KCNC2: variants seen among roughly 807,000 people sequenced by gnomAD.
KCNC2 encodes voltage-gated potassium channel KCNC2.
Under a neutral mutation model 44.5 loss-of-function variants are expected in KCNC2, and 21 were observed. The ratio of observed to expected loss-of-function variants is 0.47; its 90% CI spans 0.33 to 0.68. The LOEUF is 0.68. KCNC2 is among the 30% of genes least tolerant of loss of function. KCNC2 has a pLI of 0.01. For synonymous variants in KCNC2, 391 were observed against 339.1 expected, an observed-to-expected ratio of 1.15 and a Z score of -1.68; for missense variants, 589 against 826.2, an observed-to-expected ratio of 0.71 and a Z score of 3.52.
intron 2 of KCNC2, among the ~76,000 whole-genome samples, chr12:75,193,419 C>T (rs2030480964): frequency 6.6e-6 from 1 of 152,062 alleles, no homozygotes; most frequent in African/African-American, 2.4e-5. Context: ...TCAGAGGCAA[C>T]ATGTACTAGG....
In KCNC2 at chr12:75,062,520, G is replaced by A. The variant is rs921653304; in HGVS notation, c.688-11203C>T. Among the ~76,000 whole-genome samples the A allele has an allele frequency of 2.0e-5, 3 of 151,974 alleles. No homozygotes were observed. The East Asian group carries it at 5.8e-4, about 29-fold the overall frequency. On this transcript the variant is annotated intron_variant, in intron 2 of 4. Coordinates refer to ENST00000549446, the MANE Select transcript of KCNC2 (RefSeq NM_139137.4). ...CAAGGAAAGAGAAATATGCAAATAA[G>A]TATTAGGCTTTAAAAATGTGTTTAT...
At chr12:75,125,153 G>T (rs1469593152) in intron 2 of KCNC2, among the ~76,000 whole-genome samples, 1 of 152,012 alleles carries the variant, frequency 6.6e-6, no homozygotes, top group African/African-American at 2.4e-5. Context: ...AACCAAGCAG[G>T]CAAAGAACAT....
intron 2 of KCNC2, among the ~76,000 whole-genome samples, chr12:75,072,011 T>A (rs779052588): frequency 6.4e-4 from 92 of 144,168 alleles, no homozygotes; most frequent in South Asian, 1.6e-3. Flanking sequence ...GAATGCCAGA[T>A]ACAGAAAATC....
chr12:75,088,405 A>G lies in KCNC2; in HGVS notation c.688-37088T>C, dbSNP rs887715220. Among the ~76,000 whole-genome samples, 11 of 152,124 alleles carry G rather than the reference A, an allele frequency of 7.2e-5. No homozygotes were observed. The East Asian group carries it at 1.7e-3, about 24-fold the overall frequency. On this transcript the variant is annotated intron_variant, in intron 2 of 4. Coordinates refer to ENST00000549446, the MANE Select transcript of KCNC2 (RefSeq NM_139137.4). ...AACTATTAGTATGTTGTACAAACAT[A>G]AAGTTACAGTGAAAGTTATTTTAAC...
intron 2 of KCNC2, among the ~76,000 whole-genome samples, chr12:75,145,124 A>G (rs1889925894): frequency 6.6e-6 from 1 of 152,064 alleles, no homozygotes; most frequent in African/African-American, 2.4e-5. Context: ...TTCAGAACCG[A>G]GTCATTTATC....
At chr12:75,205,894 C>G (rs573511437) in intron 2 of KCNC2, among the ~76,000 whole-genome samples, 1 of 133,272 alleles carries the variant, frequency 7.5e-6, no homozygotes, top group Non-Finnish European at 1.6e-5. Flanking sequence ...ATGGCATGGC[C>G]TGAAAAAAAA....
intron 2 of KCNC2, among the ~76,000 whole-genome samples, chr12:75,122,999 T>C (rs1888150209): frequency 6.6e-6 from 1 of 152,148 alleles, no homozygotes; most frequent in Non-Finnish European, 1.5e-5. Context: ...ATAAAATCTG[T>C]ATCTAACCAG....
At chr12:75,177,856 C>T (rs1201541315) in intron 2 of KCNC2, among the ~76,000 whole-genome samples, 1 of 151,920 alleles carries the variant, frequency 6.6e-6, no homozygotes, top group African/African-American at 2.4e-5. Context: ...TTAAGACATA[C>T]ATCTGTGTAA....
chr12:75,134,578 C>T (rs1402656900), intron 2 of KCNC2, among the ~76,000 whole-genome samples: 1 of 150,744 alleles, frequency 6.6e-6, no homozygotes, highest in Non-Finnish European at 1.5e-5. Context: ...ATCCACAGAC[C>T]TACCAAAAAA....
chr12:75,073,656 A>T (rs1292042833), intron 2 of KCNC2, among the ~76,000 whole-genome samples: 1 of 152,196 alleles, frequency 6.6e-6, no homozygotes, highest in East Asian at 1.9e-4. Context: ...TGCAATTAAG[A>T]TATCTGCTTC....
Position 75,040,552 on chromosome 12 carries a change from G to A in KCNC2, c.*2553C>T. ...TATAATTGAGGTAATAATGATAAAAGACTTAAACTATGAATAATGTTGGTG... is the reference window on the plus strand; with the variant it reads ...TATAATTGAGGTAATAATGATAAAAAACTTAAACTATGAATAATGTTGGTG... On this transcript the variant is annotated 3_prime_UTR_variant, in exon 5 of 5. Coordinates refer to ENST00000549446, the MANE Select transcript of KCNC2 (RefSeq NM_139137.4). 6.5e-6 allele frequency: 1 copy of A among 153,098 alleles called. No homozygotes were observed. The highest frequency in any genetic ancestry group is 1.9e-4 in the East Asian group (1 of 5,196). 9.5% of individuals were successfully genotyped at this position (153,098 alleles called of 1,614,324 possible). A position where few individuals can be genotyped will look rare whatever the true frequency, so the allele number is the denominator to read the frequency against.
At chr12:75,122,120 C>A (rs1330783654) in intron 2 of KCNC2, among the ~76,000 whole-genome samples, 1 of 152,072 alleles carries the variant, frequency 6.6e-6, no homozygotes, top group Non-Finnish European at 1.5e-5. Context: ...CCACTACCAC[C>A]AAGACAAAAC....
rs145366434 is a variant in KCNC2, at chr12:75,186,407, A to C, written c.687+20890T>G. Among the ~76,000 whole-genome samples, 590 of 152,296 alleles carry C rather than the reference A, an allele frequency of 3.9e-3. 6 individuals carry two copies. The Middle Eastern group carries it at 0.054, about 14-fold the overall frequency. The stretch of plus-strand genomic sequence containing the variant: ...TTTATTTCTATGATAAGATTTTAGA[A>C]TATGCATTTTTCCATGTTACTAATA... On this transcript the variant is annotated intron_variant, in intron 2 of 4. Transcript: ENST00000549446.
intron 2 of KCNC2, among the ~76,000 whole-genome samples, chr12:75,059,239 C>G (rs952555692): frequency 1.3e-5 from 2 of 152,074 alleles, no homozygotes; most frequent in African/African-American, 2.4e-5. Flanking sequence ...GTGTTGCATG[C>G]CTTAACAAGT....
chr12:75,086,464 CCTT>C (rs1885004578), intron 2 of KCNC2, among the ~76,000 whole-genome samples: 1 of 151,882 alleles, frequency 6.6e-6, no homozygotes, highest in African/African-American at 2.4e-5. Context: ...CTATATTTTA[CCTT>C]CTTCGTGTGT....
chr12:75,092,719 T>C (rs1044294188), intron 2 of KCNC2, among the ~76,000 whole-genome samples: 38 of 151,666 alleles, frequency 2.5e-4, no homozygotes, highest in African/African-American at 8.9e-4. Flanking sequence ...AATGAATAAT[T>C]GTCAATCTTC....
chr12:75,193,150 C>G (rs1430648007), intron 2 of KCNC2, among the ~76,000 whole-genome samples: 2 of 152,010 alleles, frequency 1.3e-5, no homozygotes, highest in African/African-American at 2.4e-5. Context: ...GAACAAGAAG[C>G]CTATACACAT....
At chr12:75,197,737 T>C (rs541602818) in intron 2 of KCNC2, among the ~76,000 whole-genome samples, 1 of 152,036 alleles carries the variant, frequency 6.6e-6, no homozygotes, top group African/African-American at 2.4e-5. Context: ...AATGTACAAA[T>C]CCTGACAACA....
chr12:75,104,618 A>C lies in KCNC2; in HGVS notation c.688-53301T>G, dbSNP rs1429270059. ...TTTAAAATATTACTAGTTCATACAC[A>C]AATTTAACCATCATAATAATAAACT... On this transcript the variant is annotated intron_variant, in intron 2 of 4. Transcript: ENST00000549446. Among the ~76,000 whole-genome samples, 3 of 152,310 alleles carry C rather than the reference A, an allele frequency of 2.0e-5. No homozygotes were observed. The East Asian group carries it at 5.8e-4, about 29-fold the overall frequency.
Sources: gnomAD v4.1 joint callset for allele counts (sites outside exome capture counted in the v4.1 genomes callset) on GRCh38, gnomAD v4.1.1 for gene constraint, MANE v1.5 for transcripts, NCBI Gene and HGNC (gene_info 2026-07-23, HGNC 2026-07-21) for gene names.